LMOD1: variants seen among roughly 807,000 people sequenced by gnomAD.
LMOD1 encodes the protein leiomodin-1.
Under a neutral mutation model 36.5 loss-of-function variants are expected in LMOD1, and 8 were observed. That is an observed-to-expected ratio of 0.22 (90% CI 0.13 to 0.40). LMOD1 has a LOEUF of 0.40. Ranked by LOEUF, LMOD1 falls within the 10% of genes least tolerant of loss-of-function variation. The pLI is 1.00. For missense variants in LMOD1, 630 were observed against 751.1 expected (o/e 0.84, Z 1.88); for synonymous variants, 284 against 288.7 (o/e 0.98, Z 0.17).
At position 201,900,552 on chromosome 1, in the gene LMOD1, A is replaced by C; in HGVS notation, c.461T>G (p.Ile154Ser). The C allele has an allele frequency of 6.2e-7, 1 of 1,613,096 alleles. No homozygotes were observed. Among genetic ancestry groups the C allele is most frequent in the Non-Finnish European group, 8.5e-7 (1 of 1,179,702 alleles). The change falls in exon 2 of 3, where the codon ATC becomes AGC. Residue 154 changes from isoleucine to serine, a missense_variant. Physicochemically the swap from Ile to Ser is moderately radical, Grantham distance 142. This residue lies in a region of LMOD1 where 405 missense variants were observed against 400.6 expected (regional missense o/e 1.01). Transcript: ENST00000367288. Reference sequence around the variant, plus strand: ...CCGGCCCTTGTCAATGCCCCGGATGATCTTCTCCTCCTTGGGCTTCTCGCC... The same window carrying C: ...CCGGCCCTTGTCAATGCCCCGGATGCTCTTCTCCTCCTTGGGCTTCTCGCC... The part of the protein sequence containing the change: ...KSGEKPKEEK[I>S]IRGIDKGRVR...
Position 201,946,308 on chromosome 1 carries a change from C to T in LMOD1, c.33G>A (p.Val11=), listed in dbSNP as rs1209316573. 1.2e-6 allele frequency: 2 copies of T among 1,614,030 alleles called. No homozygotes were observed. The highest frequency in any genetic ancestry group is 2.7e-5 in the African/African-American group (2 of 75,042). The change falls in exon 1 of 3, where the codon GTG becomes GTA. Residue 11 remains valine, a synonymous_variant. Coordinates refer to ENST00000367288, the MANE Select transcript of LMOD1 (RefSeq NM_012134.3). ...GGCTGTCGATGTCGGGGTCTTCACTCACCTGCCGGCGATATTTGGCTACTC... is the reference window on the plus strand; with the variant it reads ...GGCTGTCGATGTCGGGGTCTTCACTTACCTGCCGGCGATATTTGGCTACTC... The part of the protein sequence containing the change: MSRVAKYRRQ[V]SEDPDIDSLL...
Position 201,898,029 on chromosome 1 carries a change from G to A in LMOD1, c.*343C>T, listed in dbSNP as rs557639539. On this transcript the variant is annotated 3_prime_UTR_variant, in exon 3 of 3. Coordinates refer to ENST00000367288, the MANE Select transcript of LMOD1 (RefSeq NM_012134.3). ...TGGGGCTGGGGTGGATGTGGTCCCT[G>A]TGGGACATCTTTCCTGGATCACAGG... is the stretch of plus-strand genomic sequence containing the variant. The A allele has an allele frequency of 2.3e-4, 69 of 299,920 alleles. No homozygotes were observed. The highest frequency in any genetic ancestry group is 1.4e-3 in the African/African-American group (66 of 45,818). 18.6% of individuals were successfully genotyped at this position (299,920 alleles called of 1,614,324 possible). A position where few individuals can be genotyped will look rare whatever the true frequency, so the allele number is the denominator to read the frequency against.
chr1:201,904,932 A>C (rs995416082), intron 1 of LMOD1, among the ~76,000 whole-genome samples: 1 of 152,172 alleles, frequency 6.6e-6, no homozygotes, highest in Non-Finnish European at 1.5e-5. Context: ...AGGCTAGGAA[A>C]ACTTCTTCTT....
At position 201,946,221 on chromosome 1, in the gene LMOD1, G is replaced by A. The variant is rs746410797; in HGVS notation, c.120C>T (p.Asp40=). ...EELEKELDVV[D]PDGSVPVGLR... ...GCCCCACGGGAACACTCCCGTCTGG[G>A]TCCACCACGTCCAGCTCCTTCTCCA... The change falls in exon 1 of 3, where the codon GAC becomes GAT. Residue 40 remains aspartate, a synonymous_variant. Coordinates refer to ENST00000367288, the MANE Select transcript of LMOD1 (RefSeq NM_012134.3). 6.2e-7 allele frequency: 1 copy of A among 1,613,964 alleles called. No individual in the cohort carries two copies. Among genetic ancestry groups the A allele is most frequent in the Non-Finnish European group, 8.5e-7 (1 of 1,179,874 alleles).
chr1:201,931,906 A>C (rs182739195), intron 1 of LMOD1, among the ~76,000 whole-genome samples: 2 of 152,262 alleles, frequency 1.3e-5, no homozygotes, highest in Non-Finnish European at 1.5e-5. Context: ...GTATCAAAAA[A>C]AAACAAACTA....
At chr1:201,936,096 CAAAAAAAAA>C (rs61077548) in intron 1 of LMOD1, among the ~76,000 whole-genome samples, 6 of 73,096 alleles carry the variant, frequency 8.2e-5, no homozygotes, top group South Asian at 4.5e-4. Flanking sequence ...GACCTTGTCT[CAAAAAAAAA>C]AAAAAAAAAA....
chr1:201,940,693 T>C (rs1682099703), intron 1 of LMOD1, among the ~76,000 whole-genome samples: 1 of 146,618 alleles, frequency 6.8e-6, no homozygotes, highest in African/African-American at 2.5e-5. Flanking sequence ...CAAGTGATTC[T>C]CCTGCCTCAG....
Position 201,899,775 on chromosome 1 carries a change from TGGA to T in LMOD1, c.1235_1237del (p.Leu412del). On this transcript the variant is annotated inframe_deletion, in exon 2 of 3. Coordinates refer to ENST00000367288, the MANE Select transcript of LMOD1 (RefSeq NM_012134.3). This position sits in a 1 kb window ranked among gnomAD's most constrained non-coding sequence, Gnocchi z 6.3. ...GCGGAGCTCGGTCAGCGTGTTGTTC[TGGA>T]GGAGGGCCCGGAAGATGGCCAGGAT... 6.2e-7 allele frequency: 1 copy of T among 1,614,040 alleles called. No homozygotes were observed. Among genetic ancestry groups the T allele is most frequent in the Non-Finnish European group, 8.5e-7 (1 of 1,179,896 alleles).
At chr1:201,927,946 G>T (rs1438546256) in intron 1 of LMOD1, among the ~76,000 whole-genome samples, 1 of 152,166 alleles carries the variant, frequency 6.6e-6, no homozygotes, top group Non-Finnish European at 1.5e-5. Flanking sequence ...GGGAGCTGGG[G>T]CCTAATGGAA....
At chr1:201,905,116 G>A (rs1256301093) in intron 1 of LMOD1, among the ~76,000 whole-genome samples, 2 of 152,202 alleles carry the variant, frequency 1.3e-5, no homozygotes, top group Non-Finnish European at 2.9e-5. Context: ...AGAAAACTAG[G>A]TAGCAACAGT....
At chr1:201,901,533 T>A (rs1317555805) in intron 1 of LMOD1, among the ~76,000 whole-genome samples, 4 of 18,990 alleles carry the variant, frequency 2.1e-4, no homozygotes, top group South Asian at 1.8e-3. Context: ...TATATATGTA[T>A]ATATATATAT....
chr1:201,940,726 G>A (rs1025304478), intron 1 of LMOD1, among the ~76,000 whole-genome samples: 2 of 149,718 alleles, frequency 1.3e-5, no homozygotes, highest in African/African-American at 4.9e-5. Context: ...CTGGACTACA[G>A]GCATGCACCA....
At position 201,906,968 on chromosome 1, in the gene LMOD1, C is replaced by T. The variant is rs193172114; in HGVS notation, c.262-6217G>A. On this transcript the variant is annotated intron_variant, in intron 1 of 2. Transcript: ENST00000367288. ...GGCACCAGCTGTCCTGGGTAGGGGC[C>T]GTAATGCCTGTTTCCCTTGGTGGAA... Among the ~76,000 whole-genome samples the T allele has an allele frequency of 6.8e-4, 103 of 152,270 alleles. 1 individual carries two copies. Among genetic ancestry groups the T allele is most frequent in the African/African-American group, 2.4e-3 (99 of 41,564 alleles).
intron 1 of LMOD1, among the ~76,000 whole-genome samples, chr1:201,945,422 G>A (rs918617452): frequency 5.3e-5 from 8 of 152,114 alleles, no homozygotes; most frequent in African/African-American, 1.9e-4. Flanking sequence ...TCTGGAGAGT[G>A]CAAAAACAAA....
intron 1 of LMOD1, among the ~76,000 whole-genome samples, chr1:201,909,616 A>C (rs1210511149): frequency 6.6e-6 from 1 of 152,132 alleles, no homozygotes; most frequent in Non-Finnish European, 1.5e-5. Flanking sequence ...CAAGTTCCAC[A>C]ACCTGAGTTT....
intron 1 of LMOD1, among the ~76,000 whole-genome samples, 178 bp downstream of exon 1, chr1:201,945,902 G>C (rs1179744765): frequency 1.3e-5 from 2 of 152,184 alleles, no homozygotes; most frequent in African/African-American, 4.8e-5. Flanking sequence ...TTATAAAACA[G>C]AAATTAGGAG....
At chr1:201,910,621 A>G (rs1036577407) in intron 1 of LMOD1, among the ~76,000 whole-genome samples, 5 of 150,978 alleles carry the variant, frequency 3.3e-5, no homozygotes, top group Non-Finnish European at 4.4e-5. Context: ...CAACCATCAC[A>G]TTACTGTGGT....
intron 1 of LMOD1, among the ~76,000 whole-genome samples, chr1:201,914,551 T>C (rs1270600573): frequency 6.6e-6 from 1 of 152,132 alleles, no homozygotes; most frequent in East Asian, 1.9e-4. Flanking sequence ...CTTCATAGCA[T>C]CTATCCGAAT....
At chr1:201,910,564 G>T (rs1411177123) in intron 1 of LMOD1, among the ~76,000 whole-genome samples, 2 of 151,882 alleles carry the variant, frequency 1.3e-5, no homozygotes, top group Non-Finnish European at 2.9e-5. Context: ...GATTACAGGT[G>T]TGAGCCACCA....
Sources: allele counts gnomAD v4.1 joint callset (sites outside exome capture counted in the v4.1 genomes callset), GRCh38; gene constraint gnomAD v4.1.1; regional missense constraint gnomAD v4.1.1; non-coding constraint Gnocchi (gnomAD v3.1); transcripts MANE v1.5; gene names NCBI Gene and HGNC (gene_info 2026-07-23, HGNC 2026-07-21).